The following DSCAML1 variants were observed in gnomAD, a reference collection of about 807,000 sequenced individuals.
The protein encoded by DSCAML1 is DS cell adhesion molecule like 1, also known as cell adhesion molecule DSCAML1.
A neutral mutation model predicts 200.5 loss-of-function variants in DSCAML1; 38 were observed. The ratio of observed to expected loss-of-function variants is 0.19; its 90% CI spans 0.15 to 0.25. The LOEUF is 0.25. Ranked by LOEUF, DSCAML1 falls within the 10% of genes least tolerant of loss-of-function variation. DSCAML1 has a pLI of 1.00. For synonymous variants in DSCAML1, 1,215 were observed against 1,165.0 expected (o/e 1.04, Z -0.87); for missense variants, 2,223 against 2,858.8 (o/e 0.78, Z 5.07).
chr11:117,735,867 G>C (rs958334293), intron 3 of DSCAML1, among the ~76,000 whole-genome samples: 1 of 152,168 alleles, frequency 6.6e-6, no homozygotes, highest in African/African-American at 2.4e-5. Flanking sequence ...ATTTGCATCA[G>C]GGCTGAGGGA....
intron 3 of DSCAML1, among the ~76,000 whole-genome samples, chr11:117,722,124 G>T (rs558767783): frequency 6.6e-6 from 1 of 152,170 alleles, no homozygotes; most frequent in Non-Finnish European, 1.5e-5. Context: ...TTTGTAATTC[G>T]TGACATCCTT....
chr11:117,705,147 T>C (rs7104002), intron 3 of DSCAML1, among the ~76,000 whole-genome samples: 9,008 of 152,208 alleles, frequency 0.059, 382 homozygotes, highest in East Asian at 0.12. Context: ...TTATATGATT[T>C]TCCCCCCAGC....
intron 3 of DSCAML1, among the ~76,000 whole-genome samples, chr11:117,733,790 T>C (rs1254795498): frequency 6.6e-6 from 1 of 150,512 alleles, no homozygotes; most frequent in East Asian, 2.0e-4. Context: ...ATGCATCTTG[T>C]CTTTTGGGGG....
chr11:117,690,512 C>T (rs2053476619), intron 3 of DSCAML1, among the ~76,000 whole-genome samples: 1 of 152,250 alleles, frequency 6.6e-6, no homozygotes, highest in Non-Finnish European at 1.5e-5. Context: ...GGCCTGTACG[C>T]CTCTGAGATT....
At chr11:117,672,566 G>A (rs181287543) in intron 3 of DSCAML1, among the ~76,000 whole-genome samples, 65 of 152,342 alleles carry the variant, frequency 4.3e-4, no homozygotes, top group Non-Finnish European at 7.8e-4. Context: ...AGTTCCCAGC[G>A]ACGCAATCAC....
chr11:117,461,438 C>T lies in DSCAML1; in HGVS notation c.3412+12G>A. The T allele has an allele frequency of 6.2e-7, 1 of 1,614,176 alleles. No individual in the cohort carries two copies. The highest frequency in any genetic ancestry group is 8.5e-7 in the Non-Finnish European group (1 of 1,180,028). On this transcript the variant is annotated intron_variant, in intron 18 of 32. Coordinates refer to ENST00000651296, the MANE Select transcript of DSCAML1 (RefSeq NM_020693.4). ...TCCCCTGAGTCCCAGCCATCAGTCCCAGCAGACTCACCCCCATCAACATAG... is the reference window on the plus strand; with the variant it reads ...TCCCCTGAGTCCCAGCCATCAGTCCTAGCAGACTCACCCCCATCAACATAG...
chr11:117,683,239 G>C (rs1364601060), intron 3 of DSCAML1, among the ~76,000 whole-genome samples: 3 of 152,228 alleles, frequency 2.0e-5, no homozygotes, highest in Non-Finnish European at 4.4e-5. Context: ...TGAAAAGAGG[G>C]AGTGCCAACA....
At chr11:117,468,821 C>T (rs967969582) in intron 16 of DSCAML1, among the ~76,000 whole-genome samples, 1 of 152,228 alleles carries the variant, frequency 6.6e-6, no homozygotes, top group African/African-American at 2.4e-5. Flanking sequence ...ATCACTAGGT[C>T]CTTCTGAATC....
At chr11:117,640,940 T>C (rs2052393818) in intron 3 of DSCAML1, among the ~76,000 whole-genome samples, 1 of 152,256 alleles carries the variant, frequency 6.6e-6, no homozygotes, top group African/African-American at 2.4e-5. Context: ...TGAGCACATA[T>C]GTCTGTGCTC....
upstream of DSCAML1, chr11:117,800,774 A>G (rs3819132): frequency 0.57 from 86,133 of 152,002 alleles, 24,843 homozygotes; most frequent in African/African-American, 0.67. Flanking sequence ...AGCCCTCTCC[A>G]ATTCAGGTTA....
chr11:117,658,296 CCAG>C lies in DSCAML1; in HGVS notation c.511+118492_511+118494del, dbSNP rs1201956157. Reference sequence around the variant, plus strand: ...AGATTATCTGAGCTTGAACAGTTTGCCAGCGCTATGCCCAAGTTGTGGGTTGCC... The same window carrying C: ...AGATTATCTGAGCTTGAACAGTTTGCCGCTATGCCCAAGTTGTGGGTTGCC... On this transcript the variant is annotated intron_variant, in intron 3 of 32. Transcript: ENST00000651296. 4.6e-5 allele frequency among the ~76,000 whole-genome samples: 7 copies of C among 152,248 alleles called. 1 individual carries two copies. Among genetic ancestry groups the C allele is most frequent in the South Asian group, 4.1e-4 (2 of 4,826 alleles).
intron 1 of DSCAML1, among the ~76,000 whole-genome samples, chr11:117,812,433 G>A (rs951645154): frequency 1.3e-5 from 2 of 151,444 alleles, no homozygotes; most frequent in Admixed American, 1.3e-4. Flanking sequence ...AAATTGTTTT[G>A]CCTATCCACC....
chr11:117,770,249 C>T (rs2055013362), intron 3 of DSCAML1, among the ~76,000 whole-genome samples: 1 of 152,246 alleles, frequency 6.6e-6, no homozygotes, highest in Non-Finnish European at 1.5e-5. Context: ...CAAGGCCTGG[C>T]ACTGTGCCTG....
intron 11 of DSCAML1, among the ~76,000 whole-genome samples, chr11:117,491,191 C>T (rs894735182): frequency 1.3e-5 from 2 of 152,112 alleles, no homozygotes; most frequent in Non-Finnish European, 2.9e-5. Context: ...ATGTTGAACT[C>T]CAAAAGGAAG....
chr11:117,784,885 A>T (rs2055322865), intron 1 of DSCAML1, among the ~76,000 whole-genome samples: 2 of 152,166 alleles, frequency 1.3e-5, no homozygotes, highest in Non-Finnish European at 2.9e-5. Context: ...ATGTTATAAT[A>T]TGCGAGATAG....
At chr11:117,603,830 T>C (rs960207461) in intron 3 of DSCAML1, among the ~76,000 whole-genome samples, 1 of 152,152 alleles carries the variant, frequency 6.6e-6, no homozygotes, top group African/African-American at 2.4e-5. Context: ...ATCAAGATAT[T>C]TGTATGAGGG....
chr11:117,799,567 G>A (rs7943887), upstream of DSCAML1, among the ~76,000 whole-genome samples: 12 of 152,138 alleles, frequency 7.9e-5, no homozygotes, highest in South Asian at 2.1e-3. Flanking sequence ...AGACATATAC[G>A]TGGAAATAAA....
intron 11 of DSCAML1, among the ~76,000 whole-genome samples, chr11:117,494,860 G>A (rs1010764986): frequency 6.6e-6 from 1 of 152,162 alleles, no homozygotes; most frequent in Admixed American, 6.5e-5. Flanking sequence ...TCTACAGTGC[G>A]AGCAACATCA....
rs185450427 is a variant in DSCAML1 at position 117,503,655 on chromosome 11, C to T, written c.2359+190G>A. ...GAGTTGGGGCCTCTCAGGGTGAGGC[C>T]GCTGTTTTAGATGACAGTGCTTTTG... On this transcript the variant is annotated intron_variant, in intron 11 of 32. Coordinates refer to ENST00000651296, the MANE Select transcript of DSCAML1 (RefSeq NM_020693.4). This position sits in a 1 kb window ranked among gnomAD's most constrained non-coding sequence, Gnocchi z 5.2. Among the ~76,000 whole-genome samples, 214 of 152,200 alleles carry T rather than the reference C, an allele frequency of 1.4e-3. No individual in the cohort carries two copies. Among genetic ancestry groups the T allele is most frequent in the Non-Finnish European group, 2.1e-3 (142 of 68,012 alleles).
Sources: allele counts gnomAD v4.1 joint callset (sites outside exome capture counted in the v4.1 genomes callset), GRCh38; gene constraint gnomAD v4.1.1; non-coding constraint Gnocchi (gnomAD v3.1); transcripts MANE v1.5; gene names NCBI Gene and HGNC (gene_info 2026-07-23, HGNC 2026-07-21).